The following APBA2 variants were observed in gnomAD, a reference collection of about 807,000 sequenced individuals.
The protein encoded by APBA2 is amyloid-beta A4 precursor protein-binding family A member 2.
In APBA2, 30 loss-of-function variants were observed where a neutral mutation model predicts 75.0. The observed-to-expected ratio is 0.40, with a 90% CI of 0.30 to 0.54. The LOEUF (loss-of-function observed/expected upper bound fraction) is 0.54. APBA2 is among the 20% of genes least tolerant of loss of function. The pLI, the probability that APBA2 is intolerant of heterozygous loss-of-function variation, is 0.49. For synonymous variants in APBA2, 444 were observed against 409.6 expected (o/e 1.08, Z -1.01); for missense variants, 801 against 1,016.1 (o/e 0.79, Z 2.88).
intron 2 of APBA2, among the ~76,000 whole-genome samples, chr15:28,995,292 G>A (rs973919045): frequency 1.3e-5 from 2 of 152,180 alleles, no homozygotes; most frequent in African/African-American, 4.8e-5. Flanking sequence ...GCATTGGAAA[G>A]GAGAGGTGGT....
At chr15:29,095,092 A>G (rs2043786196) in intron 8 of APBA2, among the ~76,000 whole-genome samples, 1 of 151,176 alleles carries the variant, frequency 6.6e-6, no homozygotes, top group Admixed American at 6.6e-5. Context: ...AGAAACAAAA[A>G]AAGAAAATAA....
chr15:28,925,755 A>G (rs2034226068), intron 2 of APBA2, among the ~76,000 whole-genome samples: 1 of 152,162 alleles, frequency 6.6e-6, no homozygotes, highest in Non-Finnish European at 1.5e-5. Context: ...TCTATCAATT[A>G]CTGACAGGTC....
At chr15:28,978,524 G>T (rs2152763149) in intron 2 of APBA2, among the ~76,000 whole-genome samples, 1 of 152,346 alleles carries the variant, frequency 6.6e-6, no homozygotes, top group South Asian at 2.1e-4. Context: ...CAGCTGCTGG[G>T]CTGTGCAGCC....
intron 2 of APBA2, among the ~76,000 whole-genome samples, chr15:28,953,985 C>T (rs956182649): frequency 2.6e-5 from 4 of 152,146 alleles, no homozygotes; most frequent in Non-Finnish European, 5.9e-5. Context: ...TAATTGACGT[C>T]CCCACACAAC....
intron 6 of APBA2, among the ~76,000 whole-genome samples, chr15:29,080,247 A>ACCCG (rs1466447164): frequency 6.6e-6 from 1 of 152,224 alleles, no homozygotes; most frequent in Non-Finnish European, 1.5e-5. Flanking sequence ...CCCGGGCCGA[A>ACCCG]GGTCACCAGG....
At chr15:29,016,096 C>G (rs924238506) in intron 3 of APBA2, among the ~76,000 whole-genome samples, 2 of 152,106 alleles carry the variant, frequency 1.3e-5, no homozygotes, top group African/African-American at 4.8e-5. Flanking sequence ...GTCTCTACTA[C>G]AAACACAAAA....
chr15:29,106,953 C>G (rs563635929), intron 12 of APBA2, 134 bp downstream of exon 12: 6 of 785,790 alleles, frequency 7.6e-6, no homozygotes, highest in Admixed American at 6.7e-5. Flanking sequence ...GAGACCCACC[C>G]GGTGACTGGT....
intron 2 of APBA2, among the ~76,000 whole-genome samples, chr15:28,974,050 T>C (rs572703904): frequency 6.6e-6 from 1 of 152,252 alleles, no homozygotes; most frequent in East Asian, 1.9e-4. Flanking sequence ...CAAGACTGAT[T>C]TTCAGATTGG....
At chr15:28,904,843 C>T (rs1002272092) in intron 1 of APBA2, among the ~76,000 whole-genome samples, 1 of 152,160 alleles carries the variant, frequency 6.6e-6, no homozygotes, top group African/African-American at 2.4e-5. Flanking sequence ...AGAGACTTCC[C>T]ATGACACACG....
At chr15:29,025,452 A>G (rs2040168570) in intron 3 of APBA2, among the ~76,000 whole-genome samples, 2 of 149,128 alleles carry the variant, frequency 1.3e-5, no homozygotes, top group South Asian at 4.2e-4. Flanking sequence ...AATTTTTAGT[A>G]GAGACAGGTT....
intron 1 of APBA2, among the ~76,000 whole-genome samples, chr15:28,916,210 C>T (rs2033683738): frequency 6.6e-6 from 1 of 152,166 alleles, no homozygotes; most frequent in Non-Finnish European, 1.5e-5. Flanking sequence ...GAGGCTGGCT[C>T]CTCTGCTCCC....
chr15:29,061,169 G>C (rs776253175), intron 4 of APBA2, among the ~76,000 whole-genome samples: 1 of 152,216 alleles, frequency 6.6e-6, no homozygotes, highest in Non-Finnish European at 1.5e-5. Flanking sequence ...CCTCTGGGTG[G>C]CCTGTGGAAC....
At chr15:28,997,368 A>G (rs2038584526) in intron 3 of APBA2, among the ~76,000 whole-genome samples, 1 of 152,194 alleles carries the variant, frequency 6.6e-6, no homozygotes, top group African/African-American at 2.4e-5. Flanking sequence ...AAGTTTGTGA[A>G]TGTACTTTTG....
chr15:29,078,543 G>A (rs1272810767), intron 6 of APBA2, among the ~76,000 whole-genome samples: 1 of 151,582 alleles, frequency 6.6e-6, no homozygotes, highest in African/African-American at 2.4e-5. Flanking sequence ...CCCGGGAGGC[G>A]GAGCTTGCAG....
chr15:28,971,519 TCA>T (rs1243911192), intron 2 of APBA2, among the ~76,000 whole-genome samples: 2 of 152,164 alleles, frequency 1.3e-5, no homozygotes, highest in Admixed American at 6.5e-5. Flanking sequence ...ATCTGAAATG[TCA>T]CTCAGGAATA....
intron 2 of APBA2, among the ~76,000 whole-genome samples, chr15:28,944,069 C>G (rs2035398638): frequency 6.6e-6 from 1 of 152,190 alleles, no homozygotes; most frequent in African/African-American, 2.4e-5. Context: ...ACTCTTCACC[C>G]TGGCCCACTC....
In APBA2 at chr15:29,101,740, A is replaced by G. The variant is rs1317308549; in HGVS notation, c.1480A>G (p.Lys494Glu). 1.2e-6 allele frequency: 2 copies of G among 1,613,708 alleles called. No homozygotes were observed. The change falls in exon 10 of 15, where the codon AAG (lysine) becomes GAG (glutamate). Residue 494 changes from lysine (K) to glutamate (E), a missense_variant. Coordinates refer to ENST00000683413, the MANE Select transcript of APBA2 (RefSeq NM_001353788.2). The stretch of plus-strand genomic sequence containing the variant: ...GACCACGCCCGGGGCCCAGGAAGGC[A>G]AGAAGCAGTATAAGATGATCTGCCA... ...IETTPGAQEG[K>E]KQYKMICHVF... is the part of the protein sequence containing the mutation.
intron 2 of APBA2, among the ~76,000 whole-genome samples, chr15:28,989,008 A>T (rs749977685): frequency 1.3e-5 from 2 of 152,172 alleles, no homozygotes; most frequent in Non-Finnish European, 2.9e-5. Context: ...TGCTGTCTAC[A>T]TGAGGTATTA....
chr15:28,917,216 A>G (rs1443680627), intron 1 of APBA2, among the ~76,000 whole-genome samples: 1 of 152,132 alleles, frequency 6.6e-6, no homozygotes, highest in African/African-American at 2.4e-5. Flanking sequence ...TACTGGGGAA[A>G]GACGGTAAAT....
Sources: allele counts gnomAD v4.1 joint callset (sites outside exome capture counted in the v4.1 genomes callset), GRCh38; gene constraint gnomAD v4.1.1; transcripts MANE v1.5; gene names NCBI Gene and HGNC (gene_info 2026-07-23, HGNC 2026-07-21).